The following NFKB1 variants were observed in gnomAD, a reference collection of about 807,000 sequenced individuals.
The protein encoded by NFKB1 is nuclear factor kappa B subunit 1, also known as nuclear factor NF-kappa-B p105 subunit.
A neutral mutation model predicts 105.1 loss-of-function variants in NFKB1; 9 were observed. The observed-to-expected ratio is 0.09, with a 90% CI of 0.05 to 0.15. The LOEUF is 0.15. Ranked by LOEUF, NFKB1 falls within the 10% of genes least tolerant of loss-of-function variation. NFKB1 has a pLI of 1.00. For synonymous variants in NFKB1, 440 were observed against 442.2 expected, an observed-to-expected ratio of 1.00 and a Z score of 0.06; for missense variants, 830 against 1,203.7, an observed-to-expected ratio of 0.69 and a Z score of 4.59.
chr4:102,609,221 C>T (rs1286673037), intron 19 of NFKB1, among the ~76,000 whole-genome samples: 1 of 145,914 alleles, frequency 6.9e-6, no homozygotes, highest in African/African-American at 2.5e-5. Flanking sequence ...ATTGAATTCT[C>T]AGAATCCCAT....
intron 6 of NFKB1, among the ~76,000 whole-genome samples, chr4:102,573,365 G>A (rs1724548639): frequency 6.6e-6 from 1 of 152,068 alleles, no homozygotes; most frequent in African/African-American, 2.4e-5. Flanking sequence ...AAACTATGTT[G>A]TTCCACTGTC....
At position 102,613,332 on chromosome 4, in the gene NFKB1, G is replaced by A. The variant is rs923987859; in HGVS notation, c.2593-93G>A. 1.1e-4 allele frequency: 147 copies of A among 1,328,988 alleles called. No homozygotes were observed. In the South Asian group the frequency reaches 1.9e-3, roughly 17 times the overall value. 82.3% of individuals were successfully genotyped at this position (1,328,988 alleles called of 1,614,324 possible). Reference sequence around the variant, plus strand: ...TCCTGGCTCCTGAGTGGAGGAGGCAGCATGGAAGAGGGAAGGGTGGGCTGT... The same window carrying A: ...TCCTGGCTCCTGAGTGGAGGAGGCAACATGGAAGAGGGAAGGGTGGGCTGT... On this transcript the variant is annotated intron_variant, in intron 22 of 23. Transcript: ENST00000226574.
chr4:102,582,929 A>AT lies in NFKB1; in HGVS notation c.904dup (p.Ser302PhefsTer7), dbSNP rs773694113. On this transcript the variant is annotated frameshift_variant, in exon 10 of 24. Transcript: ENST00000226574. LOFTEE classifies it high-confidence loss of function. ...GGTGGAGTCTGGGAAGGATTTGGAG[A>AT]TTTTTCCCCCACAGATGTTCATAGA... The AT allele has an allele frequency of 1.2e-6, 2 of 1,611,742 alleles. No individual in the cohort carries two copies. Among genetic ancestry groups the AT allele is most frequent in the East Asian group, 2.2e-5 (1 of 44,838 alleles).
intron 15 of NFKB1, among the ~76,000 whole-genome samples, chr4:102,599,565 A>C (rs1726952185): frequency 6.6e-6 from 1 of 152,134 alleles, no homozygotes; most frequent in South Asian, 2.1e-4. Flanking sequence ...TCATCTTCTT[A>C]GACATTCATC....
chr4:102,551,153 A>G (rs563206367), intron 5 of NFKB1, among the ~76,000 whole-genome samples: 14 of 152,272 alleles, frequency 9.2e-5, no homozygotes, highest in African/African-American at 3.4e-4. Context: ...TTTATGTAGC[A>G]TGTGTTTATC....
At chr4:102,508,088 C>T (rs1739544492) in intron 1 of NFKB1, among the ~76,000 whole-genome samples, 1 of 152,172 alleles carries the variant, frequency 6.6e-6, no homozygotes, top group Non-Finnish European at 1.5e-5. Flanking sequence ...ATTCCCAAAT[C>T]ATGTTTTATT....
In NFKB1 at chr4:102,612,418, T is replaced by C. The variant is rs758946304; in HGVS notation, c.2420-16T>C. 13 of 1,609,788 alleles carry C rather than the reference T, an allele frequency of 8.1e-6. No homozygotes were observed. The highest frequency in any genetic ancestry group is 1.1e-5 in the Non-Finnish European group (13 of 1,179,308). ...GGCATGTTAGAACAAGTGTGTTCCT[T>C]CTTCATTTCCTTCAGGAGACATGAA... is the stretch of plus-strand genomic sequence containing the variant. On this transcript the variant is annotated splice_polypyrimidine_tract_variant and intron_variant, in intron 21 of 23. Transcript: ENST00000226574.
At chr4:102,567,961 C>T (rs1724011897) in intron 6 of NFKB1, among the ~76,000 whole-genome samples, 1 of 152,048 alleles carries the variant, frequency 6.6e-6, no homozygotes, top group South Asian at 2.1e-4. Context: ...TCCTTAAATG[C>T]AAAAGAAGAA....
intron 5 of NFKB1, among the ~76,000 whole-genome samples, chr4:102,554,181 C>CA (rs991887213): frequency 5.3e-5 from 8 of 152,126 alleles, no homozygotes; most frequent in African/African-American, 1.7e-4. Context: ...TTAGGTGACT[C>CA]ACGCAGTATC....
intron 11 of NFKB1, among the ~76,000 whole-genome samples, chr4:102,591,410 A>G (rs1195087577): frequency 7.8e-6 from 1 of 128,642 alleles, no homozygotes; most frequent in African/African-American, 2.9e-5. Context: ...ACAGAGTGAG[A>G]CCCTGGCTCA....
At chr4:102,536,971 G>A (rs953947748) in intron 4 of NFKB1, among the ~76,000 whole-genome samples, 4 of 152,106 alleles carry the variant, frequency 2.6e-5, no homozygotes, top group Non-Finnish European at 5.9e-5. Flanking sequence ...ATGATGATGA[G>A]GTCATAATTA....
chr4:102,578,999 G>T lies in NFKB1; in HGVS notation c.690G>T (p.Arg230Ser), dbSNP rs968767176. The change falls in exon 8 of 24, where the codon AGG (arginine) becomes AGT (serine). Residue 230 changes from arginine to serine, a missense_variant. Coordinates refer to ENST00000226574, the MANE Select transcript of NFKB1 (RefSeq NM_003998.4). ...CGGATAGCACTGGCAGCTTCACAAG[G>T]CGCCTGGAACCCGTGGTATCAGACG... ...FLPDSTGSFT[R>S]RLEPVVSDAI... 1 of 1,613,976 alleles carries T rather than the reference G, an allele frequency of 6.2e-7. No homozygotes were observed. Among genetic ancestry groups the T allele is most frequent in the African/African-American group, 1.3e-5 (1 of 74,900 alleles).
rs754417859 is a variant in NFKB1 at position 102,525,530 on chromosome 4, T to G, written c.12T>G (p.Asp4Glu). The G allele has an allele frequency of 1.2e-6, 2 of 1,613,414 alleles. No homozygotes were observed. The highest frequency in any genetic ancestry group is 2.2e-5 in the South Asian group (2 of 91,056). Residue 4 changes from aspartate to glutamate, a missense_variant, in exon 2 of 24, where the codon GAT (aspartate) becomes GAG (glutamate). Coordinates refer to ENST00000226574, the MANE Select transcript of NFKB1 (RefSeq NM_003998.4). The stretch of plus-strand genomic sequence containing the variant: ...TACACAGCTTCAGAATGGCAGAAGA[T>G]GATCCATATTTGGGAAGGCCTGAAC... Reference protein sequence around the residue: MAEDDPYLGRPEQM... With the variant: MAEEDPYLGRPEQM...
intron 12 of NFKB1, 42 bp downstream of exon 12, chr4:102,593,610 A>G: frequency 6.3e-7 from 1 of 1,582,892 alleles, no homozygotes; most frequent in African/African-American, 1.4e-5. Context: ...TTCATATTGG[A>G]GAGGGTAGAA....
intron 15 of NFKB1, among the ~76,000 whole-genome samples, chr4:102,600,462 T>C (rs916292310): frequency 6.6e-6 from 1 of 152,218 alleles, no homozygotes; most frequent in African/African-American, 2.4e-5. Context: ...ACTAAGTTTT[T>C]CTGAACAATT....
intron 16 of NFKB1, among the ~76,000 whole-genome samples, chr4:102,605,217 ATCACT>A (rs1727600644): frequency 6.6e-6 from 1 of 152,222 alleles, no homozygotes; most frequent in Non-Finnish European, 1.5e-5. Context: ...TTTTGAGGAC[ATCACT>A]TCATTTCAGG....
chr4:102,534,343 T>C (rs1741495429), intron 4 of NFKB1, among the ~76,000 whole-genome samples: 1 of 152,196 alleles, frequency 6.6e-6, no homozygotes, highest in South Asian at 2.1e-4. Context: ...GTGCTGCCTT[T>C]GGAACATGTA....
intron 1 of NFKB1, among the ~76,000 whole-genome samples, chr4:102,524,344 G>T (rs1740760463): frequency 6.6e-6 from 1 of 152,096 alleles, no homozygotes; most frequent in Non-Finnish European, 1.5e-5. Flanking sequence ...GAGACCTATA[G>T]CCTTGATAAT....
Position 102,566,210 on chromosome 4 carries a change from AT to A in NFKB1, c.259-775del, listed in dbSNP as rs1723853615. ...ATTATCTCCATGCTATTTCCTTTTT[AT>A]TGCTATTGTCATCATTTTAAAGACA... On this transcript the variant is annotated intron_variant, in intron 5 of 23. Transcript: ENST00000226574. 2.0e-5 allele frequency among the ~76,000 whole-genome samples: 3 copies of A among 152,150 alleles called. 1 individual carries two copies. In the South Asian group the frequency reaches 6.2e-4, roughly 32 times the overall value.
Sources: gnomAD v4.1 joint callset for allele counts (sites outside exome capture counted in the v4.1 genomes callset) on GRCh38, gnomAD v4.1.1 for gene constraint, MANE v1.5 for transcripts, NCBI Gene and HGNC (gene_info 2026-07-23, HGNC 2026-07-21) for gene names.